KLHL13: variants seen among roughly 807,000 people sequenced by gnomAD.
KLHL13 encodes kelch-like protein 13.
Under a neutral mutation model 37.1 loss-of-function variants are expected in KLHL13, and 10 were observed. The ratio of observed to expected loss-of-function variants is 0.27; its 90% CI spans 0.17 to 0.46. The LOEUF is 0.46. Among genes scored for constraint, KLHL13 ranks in the 20% least tolerant of loss-of-function variants. KLHL13 has a pLI of 1.00. For missense variants in KLHL13, 360 were observed against 509.3 expected (o/e 0.71, Z 2.82); for synonymous variants, 163 against 181.2 (o/e 0.90, Z 0.81).
intron 1 of KLHL13, among the ~76,000 whole-genome samples, chrX:118,090,059 C>G (rs1398066306): frequency 2.4e-5 from 2 of 82,344 alleles, no homozygotes; most frequent in African/African-American, 9.2e-5. Flanking sequence ...CCAGCCTGGG[C>G]AACAGAGCAA....
At chrX:118,069,042 T>A (rs1390610591) in intron 1 of KLHL13, among the ~76,000 whole-genome samples, 1 of 109,031 alleles carries the variant, frequency 9.2e-6, no homozygotes, top group African/African-American at 3.4e-5. Context: ...ATCTGCACTC[T>A]GCTGCTGAGC....
At chrX:118,031,534 T>C (rs7891486) in intron 1 of KLHL13, among the ~76,000 whole-genome samples, 1 of 87,245 alleles carries the variant, frequency 1.1e-5, no homozygotes, top group African/African-American at 5.2e-5. Context: ...TTTAGTTATA[T>C]ATATATTAGT....
rs560468783 is a variant in KLHL13, at chrX:118,039,650, C to T, written c.-56+76858G>A. On this transcript the variant is annotated intron_variant, in intron 1 of 6. Coordinates refer to the KLHL13 transcript ENST00000371882. ...ACAGGATCTCTGGACACACCCAGGG[C>T]CAGGGAGAACTCACCATGCTGAAGG... 1.2e-4 allele frequency among the ~76,000 whole-genome samples: 13 copies of T among 111,723 alleles called. No individual in the cohort carries two copies. In the East Asian group the frequency reaches 2.8e-3, roughly 24 times the overall value.
At chrX:117,899,652 A>G (rs2041706447) in intron 6 of KLHL13, among the ~76,000 whole-genome samples, 1 of 112,244 alleles carries the variant, frequency 8.9e-6, no homozygotes, top group Non-Finnish European at 1.9e-5. Flanking sequence ...TCTCAAATGT[A>G]GATCCCTGGT....
At chrX:118,081,461 T>C (rs752178503) in intron 1 of KLHL13, among the ~76,000 whole-genome samples, 1 of 111,218 alleles carries the variant, frequency 9.0e-6, no homozygotes, top group Non-Finnish European at 1.9e-5. Context: ...TTGGTTTTTT[T>C]TAACTGATAC....
chrX:118,031,417 G>C (rs1474220019), intron 1 of KLHL13, among the ~76,000 whole-genome samples: 1 of 67,807 alleles, frequency 1.5e-5, no homozygotes, highest in African/African-American at 8.7e-5. Flanking sequence ...CTTTTAGCCA[G>C]GGAATATATA....
intron 1 of KLHL13, among the ~76,000 whole-genome samples, chrX:118,036,988 A>G (rs2054452072): frequency 2.1e-5 from 2 of 93,168 alleles, no homozygotes; most frequent in African/African-American, 4.0e-5. Flanking sequence ...AAAACACATG[A>G]AAAAATGCTC....
intron 1 of KLHL13, among the ~76,000 whole-genome samples, chrX:117,955,237 A>G (rs1469910175): frequency 8.9e-6 from 1 of 111,952 alleles, no homozygotes; most frequent in Non-Finnish European, 1.9e-5. Context: ...AAGGTGGTGA[A>G]AATCCTATCC....
At chrX:117,903,606 C>T (rs1930297304) in intron 5 of KLHL13, among the ~76,000 whole-genome samples, 1 of 110,655 alleles carries the variant, frequency 9.0e-6, no homozygotes, top group African/African-American at 3.3e-5. Context: ...AAGCAAAATC[C>T]TACATTATTA....
intron 1 of KLHL13, among the ~76,000 whole-genome samples, chrX:118,081,930 T>G (rs975020846): frequency 9.5e-6 from 1 of 105,263 alleles, no homozygotes; most frequent in Non-Finnish European, 2.0e-5. Flanking sequence ...TAAGGCTGAA[T>G]AGTATTCCAT....
chrX:118,035,964 G>A (rs1034116824), intron 1 of KLHL13, among the ~76,000 whole-genome samples: 1 of 100,400 alleles, frequency 1.0e-5, no homozygotes, highest in African/African-American at 4.2e-5. Flanking sequence ...CAAACAGAGA[G>A]CCAAATCATG....
rs200608948 is a variant in KLHL13, at chrX:117,980,674, TGAGA to T, written c.-55-35103_-55-35100del. 9.1e-3 allele frequency among the ~76,000 whole-genome samples: 1,015 copies of T among 112,109 alleles called. 15 individuals carry two copies. The highest frequency in any genetic ancestry group is 0.03 in the African/African-American group (940 of 30,973). Reference sequence around the variant, plus strand: ...TATTTAACACTATTTAAATTTTCTATGAGAAAGAGCCATTTATATTCAATTGCTT... The same window carrying T: ...TATTTAACACTATTTAAATTTTCTATAAGAGCCATTTATATTCAATTGCTT... On this transcript the variant is annotated intron_variant, in intron 1 of 6. Coordinates refer to the KLHL13 transcript ENST00000371882.
chrX:118,108,774 T>C (rs1202969383), intron 1 of KLHL13, among the ~76,000 whole-genome samples: 2 of 112,175 alleles, frequency 1.8e-5, no homozygotes, highest in African/African-American at 3.2e-5. Flanking sequence ...GTGGTCCTTG[T>C]GTTCTAATAA....
At chrX:117,960,867 T>TG (rs1458309354) in intron 1 of KLHL13, among the ~76,000 whole-genome samples, 2 of 112,177 alleles carry the variant, frequency 1.8e-5, no homozygotes, top group Non-Finnish European at 3.8e-5. Context: ...GGAGTTATTC[T>TG]GAATGATTCC....
intron 1 of KLHL13, among the ~76,000 whole-genome samples, chrX:117,950,990 G>A (rs1933567017): frequency 8.9e-6 from 1 of 111,904 alleles, no homozygotes; most frequent in Non-Finnish European, 1.9e-5. Flanking sequence ...AACTTAAGAT[G>A]GTAGAAGCCA....
rs1269536701 is a variant in KLHL13 at position 118,070,724 on chromosome X, CTTTT to C, written c.-56+45780_-56+45783del. Among the ~76,000 whole-genome samples the C allele has an allele frequency of 3.8e-5, 4 of 105,741 alleles. No homozygotes were observed. The South Asian group carries it at 1.6e-3, about 42-fold the overall frequency. 91.8% of individuals were successfully genotyped at this position (105,741 alleles called of 115,157 possible). ...CTCCAATTGGTAGATTTGTCATTTT[CTTTT>C]TTTTAATTTTTAAATATTTTTATTT... On this transcript the variant is annotated intron_variant, in intron 1 of 6. Coordinates refer to the KLHL13 transcript ENST00000371882.
chrX:117,994,171 T>C (rs945448088), intron 1 of KLHL13, among the ~76,000 whole-genome samples: 2 of 111,900 alleles, frequency 1.8e-5, no homozygotes, highest in Admixed American at 1.9e-4. Context: ...TGTTTGCACT[T>C]GTACATAGAG....
At chrX:118,079,578 G>C (rs1381613256) in intron 1 of KLHL13, among the ~76,000 whole-genome samples, 1 of 109,778 alleles carries the variant, frequency 9.1e-6, no homozygotes, top group Non-Finnish European at 1.9e-5. Flanking sequence ...GGAACACCAA[G>C]AACCAAGGAG....
chrX:117,975,498 C>T (rs778503518), upstream of KLHL13, among the ~76,000 whole-genome samples: 140 of 111,777 alleles, frequency 1.3e-3, no homozygotes, highest in Non-Finnish European at 2.1e-3. Flanking sequence ...TGCAGCAATT[C>T]TCCTGCCTCA....
Sources: gnomAD v4.1 joint callset for allele counts (sites outside exome capture counted in the v4.1 genomes callset) on GRCh38, gnomAD v4.1.1 for gene constraint, MANE v1.5 for transcripts, NCBI Gene and HGNC (gene_info 2026-07-23, HGNC 2026-07-21) for gene names.